Variants in MMS22L observed in about 807,000 individuals in gnomAD.
MMS22L encodes protein MMS22-like.
Under a neutral mutation model 159.1 loss-of-function variants are expected in MMS22L, and 74 were observed. The observed-to-expected ratio is 0.47, with a 90% CI of 0.39 to 0.56. MMS22L has a LOEUF of 0.56. Among genes scored for constraint, MMS22L ranks in the 20% least tolerant of loss-of-function variants. MMS22L has a pLI of 0.00. For synonymous variants in MMS22L, 517 were observed against 506.9 expected (o/e 1.02, Z -0.27); for missense variants, 1,351 against 1,422.1 (o/e 0.95, Z 0.80).
intron 22 of MMS22L, among the ~76,000 whole-genome samples, chr6:97,157,056 G>C (rs916301625): frequency 1.3e-5 from 2 of 151,998 alleles, no homozygotes; most frequent in Admixed American, 1.3e-4. Flanking sequence ...TAAGTTAGAT[G>C]CCTAGGTATT....
At chr6:97,181,872 T>G in intron 16 of MMS22L, 32 bp downstream of exon 16, 1 of 1,597,180 alleles carries the variant, frequency 6.3e-7, no homozygotes, top group Non-Finnish European at 8.5e-7. Flanking sequence ...CAGGTTTGCA[T>G]TAATGTGTAT....
chr6:97,197,332 G>C (rs1248310766), intron 14 of MMS22L, among the ~76,000 whole-genome samples: 2 of 152,160 alleles, frequency 1.3e-5, no homozygotes, highest in Non-Finnish European at 2.9e-5. Flanking sequence ...TTAATAGCAA[G>C]TGTGTGGGTA....
At chr6:97,231,133 T>C (rs1810819053) in intron 13 of MMS22L, 1 of 281,084 alleles carries the variant, frequency 3.6e-6, no homozygotes, top group South Asian at 6.0e-5. Context: ...TATCTGGTTC[T>C]ACTATACTGT....
At chr6:97,265,215 C>G (rs1814962439) in intron 8 of MMS22L, 1 of 152,138 alleles carries the variant, frequency 6.6e-6, no homozygotes. Context: ...CAAAACAGAA[C>G]AATTGATTTT....
At chr6:97,179,275 A>C (rs930082806) in intron 17 of MMS22L, 133 bp downstream of exon 17, 13 of 689,992 alleles carry the variant, frequency 1.9e-5, no homozygotes, top group Non-Finnish European at 2.4e-5. Context: ...AAAGGAAATT[A>C]AGTTCTGCTT....
At position 97,144,843 on chromosome 6, in the gene MMS22L, ATT is replaced by A. The variant is rs1407348623; in HGVS notation, c.*1961_*1962del. ...TACAAAACATATAATACACACACAT[ATT>A]GTTACACACTTTGTTGTTACCATTC... On this transcript the variant is annotated 3_prime_UTR_variant, in exon 25 of 25. Coordinates refer to ENST00000683635, the MANE Select transcript of MMS22L (RefSeq NM_001350599.2). The A allele has an allele frequency of 5.9e-5, 9 of 152,242 alleles. No individual in the cohort carries two copies. Among genetic ancestry groups the A allele is most frequent in the African/African-American group, 1.9e-4 (8 of 41,546 alleles). The allele number at this position is 152,242 out of a possible 1,614,324, so 9.4% of individuals were successfully genotyped here.
rs1052795397 is a variant in MMS22L at position 97,145,642 on chromosome 6, A to T, written c.*1164T>A. On this transcript the variant is annotated 3_prime_UTR_variant, in exon 25 of 25. Coordinates refer to ENST00000683635, the MANE Select transcript of MMS22L (RefSeq NM_001350599.2). ...TTCCCAACAGAATTTGGGCCACCAA[A>T]TATTTTCACGTACATTATCCCATTG... 1 of 152,196 alleles carries T rather than the reference A, an allele frequency of 6.6e-6. No individual in the cohort carries two copies. Among genetic ancestry groups the T allele is most frequent in the African/African-American group, 2.4e-5 (1 of 41,468 alleles). The allele number at this position is 152,196 out of a possible 1,614,324, so 9.4% of individuals were successfully genotyped here. A position where few individuals can be genotyped will look rare whatever the true frequency, so the allele number is the denominator to read the frequency against.
chr6:97,216,262 A>G (rs1312293857), intron 14 of MMS22L, among the ~76,000 whole-genome samples: 1 of 152,140 alleles, frequency 6.6e-6, no homozygotes, highest in Admixed American at 6.5e-5. Context: ...ACTATAATGA[A>G]TCTATTTTCT....
intron 18 of MMS22L, 31 bp from the exon 19 acceptor site, chr6:97,173,253 C>G (rs192771574): frequency 1.3e-6 from 2 of 1,597,106 alleles, no homozygotes; most frequent in African/African-American, 2.7e-5. Context: ...TATTTAACTT[C>G]CCAAAGTTTA....
chr6:97,217,532 G>A (rs982628565), intron 14 of MMS22L, among the ~76,000 whole-genome samples: 2 of 152,128 alleles, frequency 1.3e-5, no homozygotes, highest in South Asian at 2.1e-4. Flanking sequence ...TAGGATTACA[G>A]GTGTGAGCCA....
intron 14 of MMS22L, among the ~76,000 whole-genome samples, chr6:97,218,003 G>A (rs1809212416): frequency 6.6e-6 from 1 of 152,122 alleles, no homozygotes; most frequent in Admixed American, 6.6e-5. Flanking sequence ...TGAGAGACTG[G>A]TTCCGAAATG....
At chr6:97,241,202 C>T (rs1374302657) in intron 11 of MMS22L, among the ~76,000 whole-genome samples, 1 of 152,192 alleles carries the variant, frequency 6.6e-6, no homozygotes, top group African/African-American at 2.4e-5. Flanking sequence ...TCTCTATTCA[C>T]TCATTGATTG....
intron 10 of MMS22L, among the ~76,000 whole-genome samples, chr6:97,249,803 A>C (rs960151152): frequency 6.6e-6 from 1 of 150,874 alleles, no homozygotes; most frequent in African/African-American, 2.4e-5. Context: ...TTCTTTATTA[A>C]GAAAATGTCA....
At chr6:97,147,280 T>C (rs1240120411) in intron 24 of MMS22L, among the ~76,000 whole-genome samples, 1 of 152,194 alleles carries the variant, frequency 6.6e-6, no homozygotes, top group Non-Finnish European at 1.5e-5. Flanking sequence ...AACCATAAAA[T>C]AGACCTGTGT....
intron 9 of MMS22L, chr6:97,261,997 C>G (rs1462341829): frequency 6.6e-6 from 1 of 152,156 alleles, no homozygotes; most frequent in Admixed American, 6.5e-5. Flanking sequence ...AAAAAACACA[C>G]AGACGCAATT....
In MMS22L at chr6:97,149,931, A is replaced by G; in HGVS notation, c.3572T>C (p.Ile1191Thr). ...TVATLDQQVV[I>T]HLISTLTQSL... Reference sequence around the variant, plus strand: ...CTGAGTAAGGGTAGAAATCAAGTGGATGACAACCTGCTGGTCCAATGTTGC... The same window carrying G: ...CTGAGTAAGGGTAGAAATCAAGTGGGTGACAACCTGCTGGTCCAATGTTGC... The change falls in exon 24 of 25, where the codon ATC (isoleucine) becomes ACC (threonine). Residue 1191 changes from isoleucine to threonine, a missense_variant. Ile to Thr is a moderately conservative substitution (Grantham distance 89). Coordinates refer to ENST00000683635, the MANE Select transcript of MMS22L (RefSeq NM_001350599.2). The G allele has an allele frequency of 6.2e-7, 1 of 1,613,690 alleles. No individual in the cohort carries two copies. The highest frequency in any genetic ancestry group is 8.5e-7 in the Non-Finnish European group (1 of 1,179,740).
In MMS22L at chr6:97,281,242, T is replaced by G. The variant is rs1243829808; in HGVS notation, c.285A>C (p.Leu95Phe). Residue 95 changes from leucine (L) to phenylalanine (F), a missense_variant, in exon 3 of 25, where the codon TTA (leucine) becomes TTC (phenylalanine). Leu to Phe is a conservative substitution (Grantham distance 22). Transcript: ENST00000683635. ...AAGTTATAACGAAGAAATACCTGAA[T>G]AAATGAAAGAGTTCTCTAGATGAAT... The part of the protein sequence containing the change: ...LVNSSRELFH[L>F]FRQQLYNLET... 1 of 1,601,668 alleles carries G rather than the reference T, an allele frequency of 6.2e-7. No individual in the cohort carries two copies. The highest frequency in any genetic ancestry group is 8.5e-7 in the Non-Finnish European group (1 of 1,177,014).
intron 14 of MMS22L, among the ~76,000 whole-genome samples, chr6:97,192,033 T>C (rs1805921484): frequency 6.6e-6 from 1 of 152,184 alleles, no homozygotes; most frequent in South Asian, 2.1e-4. Flanking sequence ...ATCCTGTGCA[T>C]GCCCAAATTG....
chr6:97,275,286 T>C (rs570324288), intron 4 of MMS22L, among the ~76,000 whole-genome samples: 1 of 152,232 alleles, frequency 6.6e-6, no homozygotes, highest in African/African-American at 2.4e-5. Flanking sequence ...CCCAGCACTT[T>C]GGGAGGCTGA....
Sources: allele counts gnomAD v4.1 joint callset (sites outside exome capture counted in the v4.1 genomes callset), GRCh38; gene constraint gnomAD v4.1.1; transcripts MANE v1.5; gene names NCBI Gene and HGNC (gene_info 2026-07-23, HGNC 2026-07-21).